The following BCAR3 variants were observed in gnomAD, a reference collection of about 807,000 sequenced individuals.
BCAR3 encodes the protein breast cancer anti-estrogen resistance protein 3.
BCAR3 carries 37 observed loss-of-function variants against 80.1 expected under a neutral mutation model. The observed-to-expected ratio is 0.46, with a 90% CI of 0.36 to 0.61. The LOEUF (loss-of-function observed/expected upper bound fraction) is 0.61. Among genes scored for constraint, BCAR3 ranks in the 20% least tolerant of loss-of-function variants. BCAR3 has a pLI of 0.00. For synonymous variants in BCAR3, 389 were observed against 418.9 expected (o/e 0.93, Z 0.87); for missense variants, 978 against 1,068.2 (o/e 0.92, Z 1.18).
intron 1 of BCAR3, among the ~76,000 whole-genome samples, chr1:93,846,394 G>A (rs145493932): frequency 0.013 from 1,952 of 152,316 alleles, 35 homozygotes; most frequent in African/African-American, 0.045. Flanking sequence ...ACTGCTGTGA[G>A]CTAATAGGAA....
chr1:93,647,939 A>G (rs1676196112), intron 2 of BCAR3, among the ~76,000 whole-genome samples: 1 of 151,932 alleles, frequency 6.6e-6, no homozygotes, highest in African/African-American at 2.4e-5. Context: ...CACCTGGCTA[A>G]TTTTTGTATT....
At chr1:93,812,219 G>A (rs1653869599) in intron 2 of BCAR3, among the ~76,000 whole-genome samples, 1 of 152,078 alleles carries the variant, frequency 6.6e-6, no homozygotes, top group South Asian at 2.1e-4. Context: ...TTCCCACTTA[G>A]CTAGAATGCT....
At chr1:93,673,468 T>C (rs1405307568) in intron 2 of BCAR3, among the ~76,000 whole-genome samples, 1 of 152,212 alleles carries the variant, frequency 6.6e-6, no homozygotes, top group Non-Finnish European at 1.5e-5. Context: ...GTGCTCCATA[T>C]ATAAATATTG....
rs148833437 is a variant in BCAR3, at chr1:93,839,320, C to T, written c.-63+6247G>A. ...ATAAAAAGAAAAAAACTAAACTAAA[C>T]TAAAAAGTGGGCAATGTATCTAGTT... On this transcript the variant is annotated intron_variant, in intron 2 of 13. Transcript: ENST00000370244. 4.8e-3 allele frequency among the ~76,000 whole-genome samples: 731 copies of T among 152,144 alleles called. 7 individuals carry two copies. Among genetic ancestry groups the T allele is most frequent in the African/African-American group, 0.014 (580 of 41,494 alleles).
intron 2 of BCAR3, among the ~76,000 whole-genome samples, chr1:93,817,359 T>C (rs1654056431): frequency 6.6e-6 from 1 of 152,224 alleles, no homozygotes; most frequent in African/African-American, 2.4e-5. Flanking sequence ...TCCCAGTGGG[T>C]CACTTCCATG....
intron 2 of BCAR3, among the ~76,000 whole-genome samples, chr1:93,818,015 C>T (rs925693985): frequency 2.0e-5 from 3 of 152,344 alleles, no homozygotes; most frequent in Admixed American, 6.5e-5. Context: ...CCCTCCTTAC[C>T]GGTGACGCAC....
intron 2 of BCAR3, among the ~76,000 whole-genome samples, chr1:93,835,173 T>TGGA (rs984129438): frequency 6.6e-6 from 1 of 152,194 alleles, no homozygotes; most frequent in Non-Finnish European, 1.5e-5. Context: ...TTCCATGTCC[T>TGGA]ACACCACTAT....
chr1:93,724,256 G>A (rs915939801), intron 2 of BCAR3, among the ~76,000 whole-genome samples: 2 of 152,150 alleles, frequency 1.3e-5, no homozygotes, highest in Admixed American at 6.5e-5. Flanking sequence ...AGCCTCTCAG[G>A]TGGGGACATT....
At chr1:93,753,794 A>T (rs1487396449) in intron 2 of BCAR3, 1 of 151,342 alleles carries the variant, frequency 6.6e-6, no homozygotes, top group African/African-American at 2.4e-5. Flanking sequence ...AATCACAGGA[A>T]ATCTTGCAGA....
rs1219832493 is a variant in BCAR3 at position 93,567,584 on chromosome 1, A to G, written c.2087-93T>C. The G allele has an allele frequency of 2.0e-6, 3 of 1,464,812 alleles. No homozygotes were observed. The East Asian group carries it at 6.9e-5, about 34-fold the overall frequency. The allele number at this position is 1,464,812 out of a possible 1,614,324, so 90.7% of individuals were successfully genotyped here. A position where few individuals can be genotyped will look rare whatever the true frequency, so the allele number is the denominator to read the frequency against. ...TCATAGCCCTTGTCTTGTTACAGCA[A>G]CTGCAGCCTTCTACAAGCAACGCTG... On this transcript the variant is annotated intron_variant, in intron 10 of 11. Transcript: ENST00000260502.
chr1:93,720,600 C>T (rs368693732), intron 2 of BCAR3, among the ~76,000 whole-genome samples: 82 of 152,330 alleles, frequency 5.4e-4, no homozygotes, highest in African/African-American at 1.9e-3. Flanking sequence ...TCCGGTGCTG[C>T]GACTGCCTCC....
chr1:93,843,762 A>C (rs141114812), intron 2 of BCAR3, among the ~76,000 whole-genome samples: 131 of 152,298 alleles, frequency 8.6e-4, no homozygotes, highest in African/African-American at 3.0e-3. Flanking sequence ...TCATTTGCTT[A>C]TTGCTTCATA....
chr1:93,665,187 G>A (rs1366956275), intron 2 of BCAR3, among the ~76,000 whole-genome samples: 1 of 152,126 alleles, frequency 6.6e-6, no homozygotes, highest in Non-Finnish European at 1.5e-5. Context: ...AGACACTGCA[G>A]TGTCCATGTA....
chr1:93,813,819 CT>C (rs1653928421), intron 2 of BCAR3, among the ~76,000 whole-genome samples: 1 of 152,138 alleles, frequency 6.6e-6, no homozygotes, highest in Admixed American at 6.5e-5. Flanking sequence ...TTTTGTATTG[CT>C]TTTTTCTCAG....
intron 2 of BCAR3, among the ~76,000 whole-genome samples, chr1:93,838,040 C>G (rs766626754): frequency 5.9e-5 from 9 of 152,214 alleles, no homozygotes; most frequent in Non-Finnish European, 1.0e-4. Context: ...AAATGACAAA[C>G]GCTTGGCCAG....
chr1:93,703,593 A>C (rs115354756), intron 3 of BCAR3, among the ~76,000 whole-genome samples: 10,548 of 150,218 alleles, frequency 0.07, 1,277 homozygotes, highest in African/African-American at 0.25. Context: ...AAAAGAGATA[A>C]CCCTGCAGGC....
chr1:93,663,479 A>G (rs1647755856), intron 2 of BCAR3, among the ~76,000 whole-genome samples: 1 of 152,218 alleles, frequency 6.6e-6, no homozygotes, highest in South Asian at 2.1e-4. Flanking sequence ...AGAAAAAGTA[A>G]CATGATACCT....
At chr1:93,748,851 T>G (rs181535172) in intron 2 of BCAR3, among the ~76,000 whole-genome samples, 9 of 152,300 alleles carry the variant, frequency 5.9e-5, no homozygotes, top group Admixed American at 5.2e-4. Flanking sequence ...TCCAGCTAGA[T>G]TGGGGTACAT....
At chr1:93,595,418 G>GA (rs1674381986) in intron 3 of BCAR3, among the ~76,000 whole-genome samples, 1 of 152,180 alleles carries the variant, frequency 6.6e-6, no homozygotes. Context: ...GGGCTGGCTC[G>GA]AATACACTGC....
Sources: gnomAD v4.1 joint callset for allele counts (sites outside exome capture counted in the v4.1 genomes callset) on GRCh38, gnomAD v4.1.1 for gene constraint, MANE v1.5 for transcripts, NCBI Gene and HGNC (gene_info 2026-07-23, HGNC 2026-07-21) for gene names.